Variants in IPO11 observed in about 807,000 individuals in gnomAD.
The protein encoded by IPO11 is importin-11.
In IPO11, 66 loss-of-function variants were observed where a neutral mutation model predicts 143.2. The observed-to-expected ratio is 0.46, with a 90% confidence interval of 0.38 to 0.57. The LOEUF is 0.57. IPO11 is among the 20% of genes least tolerant of loss of function. IPO11 has a pLI of 0.00. For synonymous variants in IPO11, 385 were observed against 377.8 expected, an observed-to-expected ratio of 1.02 and a Z score of -0.22; for missense variants, 1,026 against 1,141.0, an observed-to-expected ratio of 0.90 and a Z score of 1.45.
intron 2 of IPO11, among the ~76,000 whole-genome samples, chr5:62,439,604 T>A (rs1395583949): frequency 6.6e-6 from 1 of 151,748 alleles, no homozygotes; most frequent in African/African-American, 2.4e-5. Context: ...TTTTTTTTTT[T>A]TAAGTAGAGA....
Position 62,494,127 on chromosome 5 carries a change from A to G in IPO11, c.1590+3A>G, listed in dbSNP as rs1243884260. Reference sequence around the variant, plus strand: ...TGCTTCAAGATCAAGATTTAGTGGTATGTTTCTTAAGTGCCTTAAAAGAGT... The same window carrying G: ...TGCTTCAAGATCAAGATTTAGTGGTGTGTTTCTTAAGTGCCTTAAAAGAGT... On this transcript the variant is annotated splice_donor_region_variant and intron_variant, in intron 16 of 29. Coordinates refer to ENST00000325324, the MANE Select transcript of IPO11 (RefSeq NM_016338.5). 1 of 1,609,010 alleles carries G rather than the reference A, an allele frequency of 6.2e-7. No homozygotes were observed. Among genetic ancestry groups the G allele is most frequent in the South Asian group, 1.1e-5 (1 of 89,936 alleles).
chr5:62,600,510 A>G (rs149675547), intron 28 of IPO11, among the ~76,000 whole-genome samples: 2,240 of 152,370 alleles, frequency 0.015, 51 homozygotes, highest in African/African-American at 0.049. Flanking sequence ...TGCAACAGAC[A>G]TAAATTGGCT....
At chr5:62,527,348 T>A (rs1399179173) in intron 21 of IPO11, among the ~76,000 whole-genome samples, 1 of 152,214 alleles carries the variant, frequency 6.6e-6, no homozygotes, top group Non-Finnish European at 1.5e-5. Context: ...TGCAACTATT[T>A]GACTCTGCTG....
chr5:62,513,591 C>G (rs2112280396), intron 19 of IPO11, among the ~76,000 whole-genome samples: 1 of 141,678 alleles, frequency 7.1e-6, no homozygotes, highest in Non-Finnish European at 1.6e-5. Flanking sequence ...GGCAGACGGG[C>G]TCCTGGCTGG....
chr5:62,485,503 A>G (rs1156391246), intron 12 of IPO11, 41 bp downstream of exon 12: 1 of 1,432,630 alleles, frequency 7.0e-7, no homozygotes, highest in South Asian at 1.2e-5. Context: ...GGGAAAGCTT[A>G]ATCTTTCTAA....
At chr5:62,584,931 A>G (rs1363715509) in intron 27 of IPO11, among the ~76,000 whole-genome samples, 1 of 152,108 alleles carries the variant, frequency 6.6e-6, no homozygotes, top group Non-Finnish European at 1.5e-5. Context: ...GCCTTGTTTC[A>G]TTGCTTCTGA....
At chr5:62,580,030 TCAGG>T in intron 27 of IPO11, 2 of 1,551,290 alleles carry the variant, frequency 1.3e-6, no homozygotes, top group Non-Finnish European at 1.7e-6. Context: ...GATATCAGAA[TCAGG>T]CTTTCAACAT....
At chr5:62,476,058 A>G (rs1283395688) in intron 8 of IPO11, among the ~76,000 whole-genome samples, 2 of 152,210 alleles carry the variant, frequency 1.3e-5, no homozygotes, top group African/African-American at 4.8e-5. Flanking sequence ...CCTGGGTACT[A>G]TGCATGGAAA....
intron 5 of IPO11, among the ~76,000 whole-genome samples, chr5:62,463,812 C>T (rs948537640): frequency 2.0e-5 from 3 of 151,402 alleles, no homozygotes; most frequent in African/African-American, 4.9e-5. Flanking sequence ...CTGAACATAC[C>T]TTTTACTTCT....
At chr5:62,425,327 A>AT (rs754561802) in intron 1 of IPO11, among the ~76,000 whole-genome samples, 8 of 151,960 alleles carry the variant, frequency 5.3e-5, no homozygotes, top group Non-Finnish European at 8.8e-5. Flanking sequence ...ATTTTATTTT[A>AT]TTTTTTCAAG....
chr5:62,415,855 C>G lies in IPO11; in HGVS notation c.-7+2926C>G, dbSNP rs559418462. Among the ~76,000 whole-genome samples, 4 of 152,312 alleles carry G rather than the reference C, an allele frequency of 2.6e-5. 1 individual carries two copies. In the South Asian group the frequency reaches 6.2e-4, roughly 24 times the overall value. ...AGTGGGAACTTCATTGCTTTCTGTTCTGTTTCACCTGCAAACATGAAGACC... is the reference window on the plus strand; with the variant it reads ...AGTGGGAACTTCATTGCTTTCTGTTGTGTTTCACCTGCAAACATGAAGACC... On this transcript the variant is annotated intron_variant, in intron 1 of 29. Coordinates refer to ENST00000325324, the MANE Select transcript of IPO11 (RefSeq NM_016338.5).
At chr5:62,528,473 G>A (rs1168396007) in intron 21 of IPO11, among the ~76,000 whole-genome samples, 1 of 152,196 alleles carries the variant, frequency 6.6e-6, no homozygotes, top group Non-Finnish European at 1.5e-5. Context: ...CAACAACTGG[G>A]TAGTGTGGGA....
chr5:62,525,356 C>CTT (rs70981021), intron 20 of IPO11, among the ~76,000 whole-genome samples: 6 of 144,502 alleles, frequency 4.2e-5, no homozygotes, highest in East Asian at 2.0e-4. Flanking sequence ...TCCTCCCATC[C>CTT]TTTTTTTTTT....
intron 1 of IPO11, among the ~76,000 whole-genome samples, chr5:62,435,944 G>A (rs538583926): frequency 6.6e-6 from 1 of 152,152 alleles, no homozygotes; most frequent in South Asian, 2.1e-4. Flanking sequence ...CAGGAGAATC[G>A]CTTGAACCCG....
chr5:62,619,268 C>T (rs986497837), intron 29 of IPO11, among the ~76,000 whole-genome samples: 2 of 152,118 alleles, frequency 1.3e-5, no homozygotes, highest in East Asian at 1.9e-4. Flanking sequence ...TTAGCAATAG[C>T]TTGTCTTTCC....
intron 29 of IPO11, among the ~76,000 whole-genome samples, chr5:62,609,829 G>A (rs1364885804): frequency 6.6e-6 from 1 of 152,252 alleles, no homozygotes; most frequent in African/African-American, 2.4e-5. Context: ...TCCAGCAGGT[G>A]ACTGCAAGGG....
chr5:62,434,636 T>C (rs1002796126), intron 1 of IPO11, among the ~76,000 whole-genome samples: 1 of 152,052 alleles, frequency 6.6e-6, no homozygotes, highest in Non-Finnish European at 1.5e-5. Context: ...ATACACAGGA[T>C]TTTGAAGATT....
intron 1 of IPO11, among the ~76,000 whole-genome samples, chr5:62,426,964 T>A (rs1305241694): frequency 8.0e-6 from 1 of 125,270 alleles, no homozygotes; most frequent in Non-Finnish European, 1.7e-5. Flanking sequence ...TGATACGGAG[T>A]TTTGCTCTTG....
chr5:62,454,197 G>T (rs1170814253), intron 5 of IPO11, among the ~76,000 whole-genome samples: 1 of 152,156 alleles, frequency 6.6e-6, no homozygotes, highest in Non-Finnish European at 1.5e-5. Context: ...GTATGTAAGA[G>T]AAATTATTTT....
Sources: allele counts gnomAD v4.1 joint callset (sites outside exome capture counted in the v4.1 genomes callset), GRCh38; gene constraint gnomAD v4.1.1; transcripts MANE v1.5; gene names NCBI Gene and HGNC (gene_info 2026-07-23, HGNC 2026-07-21).